The following RAD51B variants were observed in gnomAD, a reference collection of about 807,000 sequenced individuals.
The protein encoded by RAD51B is RAD51 paralog B.
A neutral mutation model predicts 42.2 loss-of-function variants in RAD51B; 38 were observed. The ratio of observed to expected loss-of-function variants is 0.90; its 90% confidence interval spans 0.70 to 1.18. RAD51B has a LOEUF of 1.18. Ranked by LOEUF, RAD51B falls within the 50% of genes most tolerant of loss-of-function variation. The pLI is 0.00. For missense variants in RAD51B, 373 were observed against 400.7 expected (o/e 0.93, Z 0.59); for synonymous variants, 154 against 145.2 (o/e 1.06, Z -0.43).
intron 10 of RAD51B, among the ~76,000 whole-genome samples, chr14:68,560,800 C>T (rs1480499205): frequency 6.6e-6 from 1 of 151,580 alleles, no homozygotes; most frequent in Non-Finnish European, 1.5e-5. Flanking sequence ...CACACTTCTG[C>T]CCCAGGATGT....
chr14:68,597,936 C>T (rs1436521799), downstream of RAD51B, among the ~76,000 whole-genome samples: 7 of 151,886 alleles, frequency 4.6e-5, no homozygotes, highest in African/African-American at 7.3e-5. Flanking sequence ...GACTGTATCT[C>T]GGGGGCACAA....
intron 7 of RAD51B, among the ~76,000 whole-genome samples, chr14:68,253,902 T>C (rs2139512573): frequency 6.6e-6 from 1 of 152,368 alleles, no homozygotes; most frequent in East Asian, 1.9e-4. Flanking sequence ...AATATTATCC[T>C]GCTCTGTCTT....
chr14:68,497,471 C>T (rs1354832137), intron 10 of RAD51B: 107 of 1,062,940 alleles, frequency 1.0e-4, no homozygotes, highest in Non-Finnish European at 1.1e-4. Flanking sequence ...GGGTTGTGTT[C>T]GTGGAACACA....
intron 7 of RAD51B, among the ~76,000 whole-genome samples, chr14:68,153,940 G>T (rs2078445028): frequency 1.3e-5 from 2 of 152,130 alleles, no homozygotes; most frequent in Non-Finnish European, 2.9e-5. Context: ...AGCATTGTGG[G>T]GGAGAAAAGA....
At chr14:68,040,852 G>T (rs1236262866) in intron 7 of RAD51B, among the ~76,000 whole-genome samples, 2 of 152,224 alleles carry the variant, frequency 1.3e-5, no homozygotes, top group African/African-American at 2.4e-5. Context: ...ATTTGAACAA[G>T]ATCCTCCAGG....
intron 10 of RAD51B, among the ~76,000 whole-genome samples, chr14:68,527,773 A>T (rs941628776): frequency 1.3e-5 from 2 of 152,258 alleles, no homozygotes; most frequent in African/African-American, 4.8e-5. Flanking sequence ...CTTGGGCCAA[A>T]GGCCACCTAA....
chr14:68,404,616 A>G (rs971670291), intron 8 of RAD51B, among the ~76,000 whole-genome samples: 6 of 152,156 alleles, frequency 3.9e-5, no homozygotes, highest in Admixed American at 3.9e-4. Flanking sequence ...TTGCTTTCCT[A>G]TACTTGAGGC....
At chr14:68,197,193 C>T (rs553414713) in intron 7 of RAD51B, among the ~76,000 whole-genome samples, 1 of 152,178 alleles carries the variant, frequency 6.6e-6, no homozygotes, top group South Asian at 2.1e-4. Context: ...TGTTCCCTTC[C>T]AGTCAATCTC....
intron 7 of RAD51B, among the ~76,000 whole-genome samples, chr14:68,141,289 A>G (rs957115615): frequency 2.0e-5 from 3 of 152,220 alleles, no homozygotes; most frequent in Non-Finnish European, 4.4e-5. Context: ...ATGCTTTAAA[A>G]TTCATCTATT....
chr14:67,888,515 C>T (rs957294588), intron 7 of RAD51B, among the ~76,000 whole-genome samples: 6 of 151,990 alleles, frequency 3.9e-5, no homozygotes, highest in African/African-American at 1.2e-4. Flanking sequence ...ATCACTTAGG[C>T]GCAGGAGGTT....
chr14:67,837,479 T>C (rs2041282218), intron 4 of RAD51B, among the ~76,000 whole-genome samples: 1 of 152,210 alleles, frequency 6.6e-6, no homozygotes, highest in African/African-American at 2.4e-5. Context: ...TTTGTTGTTA[T>C]CTAATTGGCT....
At chr14:67,869,617 T>G (rs1304345082) in intron 5 of RAD51B, among the ~76,000 whole-genome samples, 1 of 151,856 alleles carries the variant, frequency 6.6e-6, no homozygotes, top group Admixed American at 6.6e-5. Flanking sequence ...GAAGAGCAAC[T>G]CCAAGACACA....
chr14:68,399,679 T>G (rs1435886172), intron 8 of RAD51B, among the ~76,000 whole-genome samples: 1 of 152,250 alleles, frequency 6.6e-6, no homozygotes, highest in Non-Finnish European at 1.5e-5. Flanking sequence ...GAGGGCAAGT[T>G]ACAGATATCA....
At chr14:68,542,603 A>G (rs765182914) in intron 10 of RAD51B, among the ~76,000 whole-genome samples, 1 of 152,216 alleles carries the variant, frequency 6.6e-6, no homozygotes, top group East Asian at 1.9e-4. Context: ...AAGATATCTC[A>G]TGAACAATTC....
intron 8 of RAD51B, among the ~76,000 whole-genome samples, chr14:68,400,811 T>G (rs986649732): frequency 1.3e-5 from 2 of 152,250 alleles, no homozygotes; most frequent in African/African-American, 4.8e-5. Flanking sequence ...AAGGGTAATA[T>G]GTGTTTTCTG....
At chr14:67,953,473 C>G (rs1243887563) in intron 7 of RAD51B, among the ~76,000 whole-genome samples, 1 of 152,134 alleles carries the variant, frequency 6.6e-6, no homozygotes, top group Non-Finnish European at 1.5e-5. Flanking sequence ...GAACTTTATT[C>G]TCTAGCAGTG....
In RAD51B at chr14:67,914,745, G is replaced by A. The variant is rs1483710192; in HGVS notation, c.756+27541G>A. ...TTTACCTCCTTGTCAGAGTTTATTT[G>A]TAACACCCAAATTAATGATCTTGTT... On this transcript the variant is annotated intron_variant, in intron 7 of 10. Coordinates refer to ENST00000471583, the MANE Select transcript of RAD51B (RefSeq NM_133510.4). 3.9e-5 allele frequency among the ~76,000 whole-genome samples: 6 copies of A among 152,228 alleles called. No individual in the cohort carries two copies. The East Asian group carries it at 9.6e-4, about 24-fold the overall frequency.
intron 7 of RAD51B, among the ~76,000 whole-genome samples, chr14:67,928,438 A>G (rs1032849324): frequency 6.6e-6 from 1 of 152,194 alleles, no homozygotes; most frequent in Non-Finnish European, 1.5e-5. Flanking sequence ...TAGTTATATT[A>G]GCAGGCTGGA....
intron 10 of RAD51B, among the ~76,000 whole-genome samples, chr14:68,517,679 T>A (rs1165927448): frequency 1.3e-5 from 2 of 152,190 alleles, no homozygotes; most frequent in African/African-American, 4.8e-5. Flanking sequence ...ATGTACCAGG[T>A]CTTTGTGCAA....
Sources: gnomAD v4.1 joint callset for allele counts (sites outside exome capture counted in the v4.1 genomes callset) on GRCh38, gnomAD v4.1.1 for gene constraint, MANE v1.5 for transcripts, NCBI Gene and HGNC (gene_info 2026-07-23, HGNC 2026-07-21) for gene names.